Variants in CELF2 observed in about 807,000 individuals in gnomAD.
CELF2 encodes CUG triplet repeat RNA-binding protein 2.
In CELF2, 8 loss-of-function variants were observed where a neutral mutation model predicts 62.6. The observed-to-expected ratio is 0.13, with a 90% confidence interval of 0.07 to 0.23. The LOEUF (loss-of-function observed/expected upper bound fraction) is 0.23, where lower values mean the gene tolerates loss of function less well. Ranked by LOEUF, CELF2 falls within the 10% of genes least tolerant of loss-of-function variation. CELF2 has a pLI of 1.00. For missense variants in CELF2, 333 were observed against 671.0 expected, an observed-to-expected ratio of 0.50 and a Z score of 5.56; for synonymous variants, 258 against 250.0, an observed-to-expected ratio of 1.03 and a Z score of -0.30.
chr10:10,892,590 T>C (rs1459393360), intron 1 of CELF2, among the ~76,000 whole-genome samples: 3 of 152,344 alleles, frequency 2.0e-5, no homozygotes, highest in East Asian at 3.9e-4. Flanking sequence ...ACATTCATTC[T>C]CATTAGTGGA....
chr10:11,089,057 C>T (rs1208740013), intron 1 of CELF2, among the ~76,000 whole-genome samples: 2 of 152,194 alleles, frequency 1.3e-5, no homozygotes, highest in Admixed American at 1.3e-4. Flanking sequence ...GCTGTACAGT[C>T]TTTTCAGCCT....
chr10:10,967,917 A>AGC (rs2050310577), intron 2 of CELF2, among the ~76,000 whole-genome samples: 1 of 141,166 alleles, frequency 7.1e-6, no homozygotes, highest in African/African-American at 3.2e-5. Flanking sequence ...TATTAAGGTA[A>AGC]GCACACACAC....
At chr10:10,529,594 G>C in the CELF2 span, among the ~76,000 whole-genome samples, 84 of 148,348 alleles carry the variant, frequency 5.7e-4, 1 homozygote, top group East Asian at 0.013. Context: ...TGAGGCAGGA[G>C]AATTACTTGA....
At chr10:10,522,509 T>A in the CELF2 span, among the ~76,000 whole-genome samples, 5 of 152,338 alleles carry the variant, frequency 3.3e-5, no homozygotes, top group Admixed American at 2.6e-4. Context: ...AGGTACATAT[T>A]TTTGAAAAGT....
the CELF2 span, among the ~76,000 whole-genome samples, chr10:10,621,373 A>G: frequency 6.6e-6 from 1 of 152,162 alleles, no homozygotes; most frequent in East Asian, 1.9e-4. Context: ...TTGTTCATGA[A>G]GCTTTTTTTT....
At chr10:11,111,128 T>C (rs992958722) in intron 1 of CELF2, among the ~76,000 whole-genome samples, 2 of 152,184 alleles carry the variant, frequency 1.3e-5, no homozygotes, top group Non-Finnish European at 2.9e-5. Flanking sequence ...GATAATAATA[T>C]GTGGCATTTA....
In CELF2 at chr10:11,058,449, T is replaced by G. The variant is rs571721634; in HGVS notation, c.74+40286T>G. Among the ~76,000 whole-genome samples the G allele has an allele frequency of 8.8e-5, 13 of 148,232 alleles. No homozygotes were observed. In the South Asian group the frequency reaches 1.3e-3, roughly 14 times the overall value. On this transcript the variant is annotated intron_variant, in intron 1 of 12. Transcript: ENST00000633077. Reference sequence around the variant, plus strand: ...AGCAAATTAGGTGAGGTACTGTTGGTTTTTTTTGTTGGTTTTTTTTTTTTT... The same window carrying G: ...AGCAAATTAGGTGAGGTACTGTTGGGTTTTTTTGTTGGTTTTTTTTTTTTT...
At chr10:10,513,205 G>T in the CELF2 span, among the ~76,000 whole-genome samples, 1 of 151,842 alleles carries the variant, frequency 6.6e-6, no homozygotes, top group Admixed American at 6.6e-5. Context: ...CTTTTTTGTT[G>T]TTTTTTTTAT....
chr10:10,720,255 A>G, the CELF2 span, among the ~76,000 whole-genome samples: 10 of 152,244 alleles, frequency 6.6e-5, no homozygotes, highest in African/African-American at 2.4e-4. Context: ...AAAATATGAT[A>G]ACATTTACTG....
intron 1 of CELF2, among the ~76,000 whole-genome samples, chr10:10,860,995 A>G (rs142047510): frequency 4.9e-4 from 74 of 152,286 alleles, no homozygotes; most frequent in Non-Finnish European, 9.3e-4. Context: ...ATCATTGCAC[A>G]CTACAGCCTT....
intron 12 of CELF2, among the ~76,000 whole-genome samples, chr10:11,327,907 C>T (rs9329334): frequency 0.26 from 39,759 of 152,034 alleles, 5,653 homozygotes; most frequent in Admixed American, 0.36. Flanking sequence ...TAGAACCTTC[C>T]GAACAGCTGA....
At chr10:10,797,988 G>C (rs2054260210), upstream of CELF2, among the ~76,000 whole-genome samples, 1 of 152,052 alleles carries the variant, frequency 6.6e-6, no homozygotes, top group Non-Finnish European at 1.5e-5. Context: ...ACACAAGGTG[G>C]GGGGCGAGTA....
At chr10:11,301,249 C>G (rs1320681117) in intron 9 of CELF2, among the ~76,000 whole-genome samples, 1 of 152,028 alleles carries the variant, frequency 6.6e-6, no homozygotes, top group Non-Finnish European at 1.5e-5. Context: ...GAGGAATACC[C>G]AAGTTCCTCC....
At chr10:10,482,787 C>A in the CELF2 span, among the ~76,000 whole-genome samples, 1 of 152,152 alleles carries the variant, frequency 6.6e-6, no homozygotes, top group East Asian at 1.9e-4. Context: ...TGCCAGCCAC[C>A]CCCTTCATCT....
At chr10:10,649,180 A>G in the CELF2 span, among the ~76,000 whole-genome samples, 8 of 152,284 alleles carry the variant, frequency 5.3e-5, no homozygotes, top group East Asian at 1.5e-3. Context: ...ACATTTACAT[A>G]CTCTTCATAG....
chr10:10,674,473 A>T, the CELF2 span, among the ~76,000 whole-genome samples: 1 of 152,148 alleles, frequency 6.6e-6, no homozygotes, highest in Non-Finnish European at 1.5e-5. Flanking sequence ...ATCCACTATA[A>T]CAGTCTGTGT....
rs892418854 is a variant in CELF2, at chr10:11,309,655, C to T, written c.977-4484C>T. Among the ~76,000 whole-genome samples, 1 of 152,140 alleles carries T rather than the reference C, an allele frequency of 6.6e-6. No individual in the cohort carries two copies. The highest frequency in any genetic ancestry group is 1.5e-5 in the Non-Finnish European group (1 of 68,008). ...TGCTCTGACTGTGGCTGGGCCCTTT[C>T]GTAGGGGTGCTCTTTCGGCCAGTCC... On this transcript the variant is annotated intron_variant, in intron 9 of 12. Transcript: ENST00000633077. The surrounding 1 kb of genome is among the most constrained non-coding windows in gnomAD (Gnocchi z 5.6).
At chr10:11,313,879 G>A (rs149202660) in intron 9 of CELF2, among the ~76,000 whole-genome samples, 1,802 of 152,172 alleles carry the variant, frequency 0.012, 42 homozygotes, top group African/African-American at 0.041. Flanking sequence ...AACCTGGCAG[G>A]GCAGGCCTCC....
chr10:10,483,753 CA>C, the CELF2 span, among the ~76,000 whole-genome samples: 30,216 of 151,910 alleles, frequency 0.2, 3,129 homozygotes, highest in East Asian at 0.28. Flanking sequence ...GAAAATGCAG[CA>C]AATTGAACAA....
Sources: gnomAD v4.1 joint callset for allele counts (sites outside exome capture counted in the v4.1 genomes callset) on GRCh38, gnomAD v4.1.1 for gene constraint, Gnocchi (gnomAD v3.1) non-coding constraint, MANE v1.5 for transcripts, NCBI Gene and HGNC (gene_info 2026-07-23, HGNC 2026-07-21) for gene names.